MDGA2: variants seen among roughly 807,000 people sequenced by gnomAD.
MDGA2 encodes the protein MAM domain-containing glycosylphosphatidylinositol anchor protein 2.
A neutral mutation model predicts 117.8 loss-of-function variants in MDGA2; 40 were observed. The ratio of observed to expected loss-of-function variants is 0.34; its 90% CI spans 0.26 to 0.44. The LOEUF (loss-of-function observed/expected upper bound fraction) is 0.44. Ranked by LOEUF, MDGA2 falls within the 20% of genes least tolerant of loss-of-function variation. The pLI is 1.00. For missense variants in MDGA2, 1,123 were observed against 1,250.6 expected, an observed-to-expected ratio of 0.90 and a Z score of 1.54; for synonymous variants, 452 against 439.0, an observed-to-expected ratio of 1.03 and a Z score of -0.37.
At chr14:47,614,371 T>C (rs1164348467) in intron 1 of MDGA2, among the ~76,000 whole-genome samples, 1 of 152,150 alleles carries the variant, frequency 6.6e-6, no homozygotes, top group African/African-American at 2.4e-5. Flanking sequence ...ATTACAGGCA[T>C]GAGCCATCGC....
At chr14:47,519,520 C>T (rs915933975) in intron 1 of MDGA2, among the ~76,000 whole-genome samples, 1 of 152,096 alleles carries the variant, frequency 6.6e-6, no homozygotes, top group Non-Finnish European at 1.5e-5. Flanking sequence ...ACATGTAATG[C>T]TTAATGGAAA....
At chr14:46,978,688 C>T (rs1315490181) in intron 8 of MDGA2, among the ~76,000 whole-genome samples, 3 of 151,924 alleles carry the variant, frequency 2.0e-5, no homozygotes, top group African/African-American at 7.2e-5. Context: ...ATTGCCTCTG[C>T]CAAGTCATAG....
chr14:47,607,698 T>A (rs1186447257), intron 1 of MDGA2, among the ~76,000 whole-genome samples: 1 of 152,114 alleles, frequency 6.6e-6, no homozygotes, highest in Non-Finnish European at 1.5e-5. Context: ...GGAAGTTCCT[T>A]GCATCCAGAG....
At chr14:47,185,701 A>G (rs1884885039) in intron 3 of MDGA2, among the ~76,000 whole-genome samples, 2 of 151,624 alleles carry the variant, frequency 1.3e-5, no homozygotes, top group Non-Finnish European at 3.0e-5. Context: ...GTTAACACCA[A>G]AGGAGAAAGG....
intron 8 of MDGA2, among the ~76,000 whole-genome samples, chr14:46,989,064 C>A (rs955088706): frequency 6.6e-6 from 1 of 152,060 alleles, no homozygotes; most frequent in Non-Finnish European, 1.5e-5. Context: ...GATTTTAGTA[C>A]TTTACATGAA....
chr14:46,867,350 C>T (rs1262963939), intron 14 of MDGA2, among the ~76,000 whole-genome samples: 1 of 151,880 alleles, frequency 6.6e-6, no homozygotes, highest in Non-Finnish European at 1.5e-5. Context: ...AATGAGATCA[C>T]ATGGACACAG....
chr14:46,873,072 T>G (rs1209543350), intron 14 of MDGA2, among the ~76,000 whole-genome samples: 1 of 151,982 alleles, frequency 6.6e-6, no homozygotes, highest in Non-Finnish European at 1.5e-5. Context: ...ACAATATTAC[T>G]TTTCATCATG....
intron 3 of MDGA2, among the ~76,000 whole-genome samples, chr14:47,148,527 TGACCA>T (rs1203891168): frequency 1.3e-5 from 2 of 152,186 alleles, no homozygotes; most frequent in African/African-American, 4.8e-5. Flanking sequence ...GTAGTACGTA[TGACCA>T]GATAATCCAT....
chr14:47,522,937 G>T (rs981171036), intron 1 of MDGA2, among the ~76,000 whole-genome samples: 1 of 152,076 alleles, frequency 6.6e-6, no homozygotes, highest in Admixed American at 6.6e-5. Flanking sequence ...GCTAATCAAG[G>T]TAAATGGGGC....
chr14:47,443,102 C>A (rs568211156), intron 1 of MDGA2, among the ~76,000 whole-genome samples: 1 of 152,184 alleles, frequency 6.6e-6, no homozygotes, highest in East Asian at 1.9e-4. Context: ...AAACAGTGCA[C>A]GTTCTCAACT....
chr14:47,059,344 G>T, intron 7 of MDGA2: 1 of 1,272,102 alleles, frequency 7.9e-7, no homozygotes, highest in Non-Finnish European at 1.0e-6. Flanking sequence ...TGTTTTGGAA[G>T]AAGTCAATAT....
intron 8 of MDGA2, among the ~76,000 whole-genome samples, chr14:46,978,217 T>G (rs1405015989): frequency 6.6e-6 from 1 of 152,002 alleles, no homozygotes; most frequent in Non-Finnish European, 1.5e-5. Context: ...ATTGTCTTAA[T>G]TTACTCTTTT....
intron 10 of MDGA2, among the ~76,000 whole-genome samples, chr14:46,887,467 T>C (rs1882718428): frequency 6.6e-6 from 1 of 152,000 alleles, no homozygotes; most frequent in Admixed American, 6.6e-5. Context: ...TATAATACAC[T>C]ATGTCTGGTC....
intron 1 of MDGA2, among the ~76,000 whole-genome samples, chr14:47,305,648 C>T (rs534792514): frequency 2.6e-5 from 4 of 152,168 alleles, no homozygotes; most frequent in East Asian, 1.9e-4. Flanking sequence ...GACTTTCAAG[C>T]GTATATTTAT....
At chr14:47,153,109 T>C (rs1457700094) in intron 3 of MDGA2, among the ~76,000 whole-genome samples, 1 of 152,226 alleles carries the variant, frequency 6.6e-6, no homozygotes, top group East Asian at 1.9e-4. Context: ...TAGCACCATC[T>C]ATGCTAAAGA....
intron 10 of MDGA2, among the ~76,000 whole-genome samples, chr14:46,914,920 T>C (rs369179852): frequency 1.3e-3 from 204 of 152,216 alleles, no homozygotes; most frequent in African/African-American, 4.6e-3. Flanking sequence ...TCACAAAATA[T>C]GTAACATAAA....
chr14:47,426,787 A>C (rs920897841), intron 1 of MDGA2, among the ~76,000 whole-genome samples: 3 of 96,236 alleles, frequency 3.1e-5, no homozygotes, highest in Non-Finnish European at 6.6e-5. Context: ...TTTGATATAA[A>C]GACTTTAATA....
intron 9 of MDGA2, among the ~76,000 whole-genome samples, chr14:46,938,103 C>A (rs961397312): frequency 6.6e-6 from 1 of 151,958 alleles, no homozygotes; most frequent in African/African-American, 2.4e-5. Flanking sequence ...ATCTCTAGCA[C>A]AAAAATATAC....
intron 9 of MDGA2, among the ~76,000 whole-genome samples, chr14:46,950,239 C>A (rs1378726896): frequency 6.6e-6 from 1 of 151,612 alleles, no homozygotes; most frequent in Non-Finnish European, 1.5e-5. Context: ...GCATGGATTC[C>A]CCTATATTTT....
Sources: gnomAD v4.1 joint callset for allele counts (sites outside exome capture counted in the v4.1 genomes callset) on GRCh38, gnomAD v4.1.1 for gene constraint, MANE v1.5 for transcripts, NCBI Gene and HGNC (gene_info 2026-07-23, HGNC 2026-07-21) for gene names.